The following ZMAT1 variants were observed in gnomAD, a reference collection of about 807,000 sequenced individuals.
The protein encoded by ZMAT1 is zinc finger matrin-type protein 1.
Under a neutral mutation model 18.5 loss-of-function variants are expected in ZMAT1, and 11 were observed. The observed-to-expected ratio is 0.59, with a 90% confidence interval of 0.37 to 0.98. The LOEUF (loss-of-function observed/expected upper bound fraction) is 0.98, where lower values mean the gene tolerates loss of function less well. Among genes scored for constraint, ZMAT1 ranks in the 50% least tolerant of loss-of-function variants. The pLI is 0.01. For synonymous variants in ZMAT1, 211 were observed against 176.4 expected (o/e 1.20, Z -1.55); for missense variants, 525 against 496.2 (o/e 1.06, Z -0.55).
intron 1 of ZMAT1, among the ~76,000 whole-genome samples, chrX:101,912,971 T>G (rs1224232397): frequency 1.8e-5 from 2 of 111,493 alleles, no homozygotes; most frequent in African/African-American, 6.5e-5. Context: ...AAAGGGAGAT[T>G]TTTCCTTTGT....
At chrX:101,907,124 T>G (rs2147635148) in intron 1 of ZMAT1, among the ~76,000 whole-genome samples, 1 of 112,145 alleles carries the variant, frequency 8.9e-6, no homozygotes, top group South Asian at 3.7e-4. Context: ...CCCATGCCAG[T>G]GGACCTAGGT....
chrX:101,919,820 C>T (rs1190933210), intron 1 of ZMAT1, among the ~76,000 whole-genome samples: 1 of 111,086 alleles, frequency 9.0e-6, no homozygotes, highest in Non-Finnish European at 1.9e-5. Context: ...TCATGATGGG[C>T]TTCACAAGGG....
chrX:101,928,388 C>T (rs1475299462), intron 1 of ZMAT1, among the ~76,000 whole-genome samples: 3 of 111,851 alleles, frequency 2.7e-5, no homozygotes, highest in South Asian at 7.5e-4. Flanking sequence ...GATGGGGCAT[C>T]GCTCTGTTGC....
chrX:101,885,167 G>A (rs1926842985), intron 5 of ZMAT1, among the ~76,000 whole-genome samples: 1 of 111,133 alleles, frequency 9.0e-6, no homozygotes, highest in Non-Finnish European at 1.9e-5. Context: ...CGGGTATAAA[G>A]TAGCAGATAT....
intron 1 of ZMAT1, among the ~76,000 whole-genome samples, chrX:101,926,650 T>C: frequency 8.9e-6 from 1 of 112,323 alleles, no homozygotes; most frequent in Non-Finnish European, 1.9e-5. Flanking sequence ...GAGAATTCTC[T>C]GTTCATTCCA....
intron 1 of ZMAT1, among the ~76,000 whole-genome samples, chrX:101,928,672 C>G (rs1054485585): frequency 8.9e-6 from 1 of 112,801 alleles, no homozygotes; most frequent in Admixed American, 9.3e-5. Flanking sequence ...ACTAGATTTT[C>G]TTATGGTGGT....
At chrX:101,886,547 A>G (rs1926960531) in intron 5 of ZMAT1, 85 bp downstream of exon 5, 6 of 641,309 alleles carry the variant, frequency 9.4e-6, no homozygotes, top group South Asian at 8.4e-5. Context: ...TGAATGCCTA[A>G]GAAGTTTGTA....
intron 4 of ZMAT1, among the ~76,000 whole-genome samples, chrX:101,894,223 G>T (rs951849150): frequency 6.3e-5 from 7 of 111,380 alleles, no homozygotes; most frequent in Middle Eastern, 4.6e-3. Context: ...CTGCAGTGGG[G>T]CCTGAGAGTC....
At chrX:101,892,974 C>A (rs745416822) in intron 4 of ZMAT1, among the ~76,000 whole-genome samples, 7 of 111,520 alleles carry the variant, frequency 6.3e-5, no homozygotes, top group Non-Finnish European at 9.4e-5. Context: ...TTGTCATTAG[C>A]TAGTTAAAAT....
chrX:101,914,873 A>C (rs1023056228), intron 1 of ZMAT1, among the ~76,000 whole-genome samples: 2 of 111,580 alleles, frequency 1.8e-5, no homozygotes, highest in Admixed American at 9.5e-5. Flanking sequence ...AAAACAGACA[A>C]AGAGACATCC....
intron 4 of ZMAT1, among the ~76,000 whole-genome samples, chrX:101,890,679 G>A (rs1027977983): frequency 9.0e-6 from 1 of 111,055 alleles, no homozygotes; most frequent in Non-Finnish European, 1.9e-5. Context: ...AGAGAGGTAT[G>A]TTTAAGAGGT....
chrX:101,916,278 T>C (rs989881355), intron 1 of ZMAT1, among the ~76,000 whole-genome samples: 2 of 110,846 alleles, frequency 1.8e-5, no homozygotes, highest in African/African-American at 3.3e-5. Context: ...TTAGGGCAAA[T>C]AGCTAATACA....
At chrX:101,920,686 G>A (rs1039319052) in intron 1 of ZMAT1, among the ~76,000 whole-genome samples, 2 of 112,043 alleles carry the variant, frequency 1.8e-5, no homozygotes, top group African/African-American at 6.5e-5. Context: ...TCCTAATTCA[G>A]TCAAATGGTT....
chrX:101,926,686 A>C (rs1930077568), intron 1 of ZMAT1, among the ~76,000 whole-genome samples: 1 of 112,013 alleles, frequency 8.9e-6, no homozygotes, highest in Non-Finnish European at 1.9e-5. Flanking sequence ...TTAACCCCCA[A>C]GTTTAAGCTA....
intron 1 of ZMAT1, among the ~76,000 whole-genome samples, chrX:101,905,282 A>T (rs1342813118): frequency 3.6e-5 from 4 of 112,530 alleles, no homozygotes; most frequent in Non-Finnish European, 7.5e-5. Context: ...GTTCATATAC[A>T]TATCTAGAAA....
chrX:101,898,836 G>C (rs1928011965), intron 2 of ZMAT1, among the ~76,000 whole-genome samples: 1 of 111,609 alleles, frequency 9.0e-6, no homozygotes, highest in Non-Finnish European at 1.9e-5. Context: ...GGATCACAAG[G>C]TCAGGAGTTC....
At chrX:101,923,449 C>G (rs1312171032) in intron 1 of ZMAT1, among the ~76,000 whole-genome samples, 1 of 111,659 alleles carries the variant, frequency 9.0e-6, no homozygotes, top group Non-Finnish European at 1.9e-5. Context: ...GGGGTACTTA[C>G]AGAGGACCCA....
Position 101,904,328 on chromosome X carries a change from C to T in ZMAT1, c.295G>A (p.Ala99Thr), listed in dbSNP as rs1183125656. 1.4e-5 allele frequency: 16 copies of T among 1,182,975 alleles called. No individual in the cohort carries two copies. Among genetic ancestry groups the T allele is most frequent in the Non-Finnish European group, 1.8e-5 (16 of 878,971 alleles). Residue 99 changes from alanine (A) to threonine (T), a missense_variant and splice_region_variant, in exon 2 of 6, where the codon GCC becomes ACC. Physicochemically the swap from Ala to Thr is moderately conservative, Grantham distance 58 (BLOSUM62 0). Transcript: ENST00000651725. Reference sequence around the variant, plus strand: ...GCCTTTTCCTGTTCATTCCAAATGGCGTCTGTGAATAAAAAAGGGAAGACA... The same window carrying T: ...GCCTTTTCCTGTTCATTCCAAATGGTGTCTGTGAATAAAAAAGGGAAGACA... ...VDTRPCLRED[A>T]IWNEQEKAEL...
At chrX:101,905,859 T>C (rs1397996517) in intron 1 of ZMAT1, among the ~76,000 whole-genome samples, 1 of 89,323 alleles carries the variant, frequency 1.1e-5, no homozygotes, top group Non-Finnish European at 2.3e-5. Flanking sequence ...TATCCACAAA[T>C]GAAAATATCT....
Sources: gnomAD v4.1 joint callset for allele counts (sites outside exome capture counted in the v4.1 genomes callset) on GRCh38, gnomAD v4.1.1 for gene constraint, MANE v1.5 for transcripts, NCBI Gene and HGNC (gene_info 2026-07-23, HGNC 2026-07-21) for gene names.